Variants in NRXN1 observed in about 807,000 individuals in gnomAD.
The protein encoded by NRXN1 is neurexin-1.
In NRXN1, 39 loss-of-function variants were observed where a neutral mutation model predicts 150.9. That is an observed-to-expected ratio of 0.26 (90% CI 0.20 to 0.34). The LOEUF (loss-of-function observed/expected upper bound fraction) is 0.34, where lower values mean the gene tolerates loss of function less well. NRXN1 is among the 10% of genes least tolerant of loss of function. NRXN1 has a pLI of 1.00. For synonymous variants in NRXN1, 924 were observed against 757.0 expected, an observed-to-expected ratio of 1.22 and a Z score of -3.62; for missense variants, 1,815 against 1,949.9, an observed-to-expected ratio of 0.93 and a Z score of 1.30.
intron 12 of NRXN1, among the ~76,000 whole-genome samples, chr2:50,519,881 G>T (rs1001536965): frequency 1.3e-5 from 2 of 151,836 alleles, no homozygotes; most frequent in African/African-American, 4.8e-5. Context: ...CTGGCTCAGT[G>T]ACCTGGAATT....
At chr2:49,928,541 T>C (rs994944825) in intron 22 of NRXN1, among the ~76,000 whole-genome samples, 1 of 152,144 alleles carries the variant, frequency 6.6e-6, no homozygotes, top group African/African-American at 2.4e-5. Context: ...TCAGTTTCAT[T>C]AATACTGTGA....
intron 15 of NRXN1, among the ~76,000 whole-genome samples, chr2:50,494,243 CATTTTA>C (rs1355837181): frequency 6.6e-6 from 1 of 152,028 alleles, no homozygotes; most frequent in Non-Finnish European, 1.5e-5. Context: ...TTTTTTTAGC[CATTTTA>C]ATTTCCAACA....
At chr2:50,025,076 A>G (rs1205670641) in intron 21 of NRXN1, among the ~76,000 whole-genome samples, 1 of 152,214 alleles carries the variant, frequency 6.6e-6, no homozygotes, top group Non-Finnish European at 1.5e-5. Context: ...GATACGCAAT[A>G]GCTGACAAGA....
intron 2 of NRXN1, among the ~76,000 whole-genome samples, chr2:50,932,767 C>G (rs114862594): frequency 0.012 from 1,898 of 152,140 alleles, 14 homozygotes; most frequent in Non-Finnish European, 0.016. Flanking sequence ...AACACACACA[C>G]AAAATATAAC....
chr2:50,438,081 C>T (rs1321460682), intron 17 of NRXN1, among the ~76,000 whole-genome samples: 5 of 152,166 alleles, frequency 3.3e-5, no homozygotes, highest in African/African-American at 1.2e-4. Context: ...ACCTGGGGCT[C>T]TATTTTCCTA....
At chr2:50,368,366 G>C (rs1018819304) in intron 17 of NRXN1, among the ~76,000 whole-genome samples, 2 of 151,892 alleles carry the variant, frequency 1.3e-5, no homozygotes, top group Non-Finnish European at 2.9e-5. Flanking sequence ...AATAGCATAA[G>C]CACAGTATGA....
chr2:50,552,082 C>T (rs1195670941), intron 9 of NRXN1, among the ~76,000 whole-genome samples: 3 of 152,202 alleles, frequency 2.0e-5, no homozygotes, highest in Non-Finnish European at 4.4e-5. Flanking sequence ...GGCAGCAGAG[C>T]TTTGCCACTG....
rs552774391 is a variant in NRXN1 at position 50,718,669 on chromosome 2, G to A, written c.833-95054C>T. Among the ~76,000 whole-genome samples the A allele has an allele frequency of 4.5e-4, 68 of 152,260 alleles. No homozygotes were observed. The Middle Eastern group carries it at 0.014, about 30-fold the overall frequency. On this transcript the variant is annotated intron_variant, in intron 5 of 22. Coordinates refer to ENST00000401669, the MANE Select transcript of NRXN1 (RefSeq NM_001330078.2). ...TAAGAGCCCTTCTGCAGAGTTTCCA[G>A]CTCAAAAGCTTTTAAGAGACAAGCC...
At chr2:50,026,180 G>T (rs1688248055) in intron 21 of NRXN1, among the ~76,000 whole-genome samples, 1 of 152,154 alleles carries the variant, frequency 6.6e-6, no homozygotes, top group African/African-American at 2.4e-5. Flanking sequence ...TCCGGACTCT[G>T]TCTACAAGAG....
At chr2:50,438,572 C>A (rs1236926147) in intron 17 of NRXN1, among the ~76,000 whole-genome samples, 3 of 152,208 alleles carry the variant, frequency 2.0e-5, no homozygotes, top group Non-Finnish European at 2.9e-5. Flanking sequence ...CAATTTTTCT[C>A]ACATTATGAG....
At chr2:50,344,872 C>T (rs750637678) in intron 17 of NRXN1, among the ~76,000 whole-genome samples, 2 of 152,158 alleles carry the variant, frequency 1.3e-5, no homozygotes, top group Non-Finnish European at 2.9e-5. Flanking sequence ...TTAGGTGTTC[C>T]ACCTGCTCCA....
intron 17 of NRXN1, among the ~76,000 whole-genome samples, chr2:50,373,212 T>G (rs536869472): frequency 1.3e-5 from 2 of 151,426 alleles, no homozygotes; most frequent in East Asian, 3.9e-4. Context: ...CAAGGAGGAG[T>G]TAATATAATT....
At chr2:50,436,573 T>G (rs2085467100) in intron 17 of NRXN1, among the ~76,000 whole-genome samples, 1 of 152,260 alleles carries the variant, frequency 6.6e-6, no homozygotes, top group Admixed American at 6.5e-5. Context: ...AATCCCATTT[T>G]ATTTTTACTA....
At chr2:50,402,170 T>C (rs1261754731) in intron 17 of NRXN1, among the ~76,000 whole-genome samples, 2 of 152,074 alleles carry the variant, frequency 1.3e-5, no homozygotes, top group Non-Finnish European at 2.9e-5. Context: ...AAAATAAAGG[T>C]GACAAACATT....
intron 21 of NRXN1, among the ~76,000 whole-genome samples, chr2:49,991,521 C>T (rs907421552): frequency 2.0e-5 from 3 of 151,790 alleles, no homozygotes; most frequent in African/African-American, 7.3e-5. Flanking sequence ...GTAAATCAAA[C>T]AAAATATCTA....
intron 5 of NRXN1, among the ~76,000 whole-genome samples, chr2:50,795,688 A>G (rs1559274265): frequency 6.6e-6 from 1 of 152,024 alleles, no homozygotes. Context: ...TTGATACACA[A>G]TTCTCCTCCA....
At chr2:50,816,849 T>C (rs1669008056) in intron 5 of NRXN1, among the ~76,000 whole-genome samples, 1 of 152,100 alleles carries the variant, frequency 6.6e-6, no homozygotes, top group African/African-American at 2.4e-5. Context: ...AGTCCTTTCC[T>C]CCAAGATATT....
intron 17 of NRXN1, among the ~76,000 whole-genome samples, chr2:50,392,481 C>G (rs1223291698): frequency 6.6e-6 from 1 of 152,038 alleles, no homozygotes; most frequent in Non-Finnish European, 1.5e-5. Context: ...GAGAAGGTGC[C>G]TTAGACTGCA....
intron 5 of NRXN1, among the ~76,000 whole-genome samples, chr2:50,627,601 T>G (rs1450819148): frequency 1.6e-5 from 2 of 121,714 alleles, no homozygotes; most frequent in Non-Finnish European, 3.5e-5. Context: ...CTATGAAAGC[T>G]TTTGTCAGAC....
Sources: gnomAD v4.1 joint callset for allele counts (sites outside exome capture counted in the v4.1 genomes callset) on GRCh38, gnomAD v4.1.1 for gene constraint, MANE v1.5 for transcripts, NCBI Gene and HGNC (gene_info 2026-07-23, HGNC 2026-07-21) for gene names.